Variants in TTC28 observed in about 807,000 individuals in gnomAD.
The protein encoded by TTC28 is tetratricopeptide repeat domain 28, also known as tetratricopeptide repeat protein 28.
Under a neutral mutation model 198.0 loss-of-function variants are expected in TTC28, and 61 were observed. That is an observed-to-expected ratio of 0.31 (90% CI 0.25 to 0.38). The LOEUF (loss-of-function observed/expected upper bound fraction) is 0.38. Ranked by LOEUF, TTC28 falls within the 10% of genes least tolerant of loss-of-function variation. The pLI, the probability that TTC28 is intolerant of heterozygous loss-of-function variation, is 1.00. For synonymous variants in TTC28, 1,171 were observed against 1,297.8 expected (o/e 0.90, Z 2.10); for missense variants, 2,678 against 3,164.0 (o/e 0.85, Z 3.69).
rs1016018335 is a variant in TTC28, at chr22:28,387,670, C to T, written c.382-81027G>A. On this transcript the variant is annotated intron_variant, in intron 2 of 22. Transcript: ENST00000397906. ...TTGAGAAGTGTCTGTTCATGTCCTT[C>T]GCCCACTTTTTGATGGGGTTGTTTG... 8.1e-4 allele frequency among the ~76,000 whole-genome samples: 123 copies of T among 152,258 alleles called. 2 individuals are homozygous for T. The highest frequency in any genetic ancestry group is 1.3e-3 in the African/African-American group (52 of 41,538).
rs71316831 is a variant in TTC28, at chr22:28,124,168, T to TTTGTTGTTG, written c.1442-15774_1442-15766dup. On this transcript the variant is annotated intron_variant, in intron 6 of 22. Coordinates refer to ENST00000397906, the MANE Select transcript of TTC28 (RefSeq NM_001145418.2). The stretch of plus-strand genomic sequence containing the variant: ...TGTAGCAATTTTTCACTTATCTCTC[T>TTTGTTGTTG]TTGTTGTTGTTGTTGTTGTTGTTGT... Among the ~76,000 whole-genome samples the TTTGTTGTTG allele has an allele frequency of 8.9e-3, 1,323 of 148,190 alleles. 18 individuals are homozygous for TTTGTTGTTG. The highest frequency in any genetic ancestry group is 0.029 in the African/African-American group (1,161 of 39,994).
chr22:28,353,178 A>G (rs570644054), intron 2 of TTC28, among the ~76,000 whole-genome samples: 5 of 152,206 alleles, frequency 3.3e-5, no homozygotes, highest in African/African-American at 7.2e-5. Context: ...GCATCAAACA[A>G]GAGTTCCAGA....
intron 16 of TTC28, 59 bp from the exon 17 acceptor site, chr22:27,996,318 C>A: frequency 6.5e-7 from 1 of 1,528,496 alleles, no homozygotes; most frequent in Non-Finnish European, 8.8e-7. Context: ...AGCCCCACCC[C>A]GGCTTCCAGG....
chr22:28,359,668 G>A (rs1396555023), intron 2 of TTC28, among the ~76,000 whole-genome samples: 1 of 152,096 alleles, frequency 6.6e-6, no homozygotes, highest in Non-Finnish European at 1.5e-5. Context: ...CTGATTCATG[G>A]TAAGTCCAAG....
chr22:28,417,167 T>C (rs1228467766), intron 2 of TTC28, among the ~76,000 whole-genome samples: 1 of 151,864 alleles, frequency 6.6e-6, no homozygotes, highest in Non-Finnish European at 1.5e-5. Flanking sequence ...GGTGGGAGGA[T>C]GGCTTGAGCC....
intron 2 of TTC28, among the ~76,000 whole-genome samples, chr22:28,521,865 A>T (rs2048915694): frequency 6.6e-6 from 1 of 152,116 alleles, no homozygotes; most frequent in Non-Finnish European, 1.5e-5. Context: ...GGAATTCAGA[A>T]CCCATTAGGG....
chr22:28,211,281 A>T (rs913498334), intron 5 of TTC28, among the ~76,000 whole-genome samples: 8 of 152,176 alleles, frequency 5.3e-5, no homozygotes, highest in African/African-American at 1.9e-4. Flanking sequence ...CACACATAAC[A>T]ATATTAACCT....
At chr22:28,097,498 C>T (rs1246878058) in intron 10 of TTC28, among the ~76,000 whole-genome samples, 4 of 152,248 alleles carry the variant, frequency 2.6e-5, no homozygotes, top group Admixed American at 2.0e-4. Context: ...ATCTTTTAAT[C>T]GAATTTTGAA....
chr22:28,169,370 A>T (rs1922400218), intron 5 of TTC28, among the ~76,000 whole-genome samples: 1 of 152,212 alleles, frequency 6.6e-6, no homozygotes, highest in Non-Finnish European at 1.5e-5. Flanking sequence ...AGACACATGC[A>T]CACATGTTTA....
At position 27,983,017 on chromosome 22, in the gene TTC28, G is replaced by A; in HGVS notation, c.6650C>T (p.Pro2217Leu). ...RASETSAFSR[P>L]VLSHQKSQPS... ...CTGACTCTTCTGATGGGAGAGAACA[G>A]GCCTGCTGAACGCACTGGTTTCTGA... Residue 2217 changes from proline (P) to leucine (L), a missense_variant, in exon 23 of 23, where the codon CCT becomes CTT. Around this residue, in one of 8 missense-constraint regions of TTC28, gnomAD observed 622 missense variants for 656.0 expected, o/e 0.95. Coordinates refer to ENST00000397906, the MANE Select transcript of TTC28 (RefSeq NM_001145418.2). 1.3e-6 allele frequency: 2 copies of A among 1,551,710 alleles called. No homozygotes were observed. The highest frequency in any genetic ancestry group is 1.4e-5 in the African/African-American group (1 of 73,178).
At chr22:28,198,957 C>T (rs1201707669) in intron 5 of TTC28, among the ~76,000 whole-genome samples, 1 of 151,804 alleles carries the variant, frequency 6.6e-6, no homozygotes, top group African/African-American at 2.4e-5. Flanking sequence ...CTCATGACTC[C>T]AGAAAAAAAG....
intron 6 of TTC28, among the ~76,000 whole-genome samples, chr22:28,121,289 G>C (rs1487882829): frequency 6.6e-6 from 1 of 152,138 alleles, no homozygotes; most frequent in Non-Finnish European, 1.5e-5. Flanking sequence ...ACATTTGTTG[G>C]TTCACAGTGA....
At chr22:28,111,431 T>G (rs1942478796) in intron 6 of TTC28, among the ~76,000 whole-genome samples, 1 of 152,216 alleles carries the variant, frequency 6.6e-6, no homozygotes, top group South Asian at 2.1e-4. Context: ...CAGAAACGTT[T>G]CAGTTCTAAA....
chr22:28,354,035 G>T (rs1055286430), intron 2 of TTC28, among the ~76,000 whole-genome samples: 6 of 152,142 alleles, frequency 3.9e-5, no homozygotes, highest in Admixed American at 3.3e-4. Flanking sequence ...GGGGGAAAAG[G>T]TGCTGGTGAG....
At chr22:28,023,396 CCATT>C (rs1440540329) in intron 13 of TTC28, among the ~76,000 whole-genome samples, 10 of 152,226 alleles carry the variant, frequency 6.6e-5, no homozygotes, top group Non-Finnish European at 1.5e-4. Flanking sequence ...CCTGCTGACC[CCATT>C]CAGAGATCAG....
chr22:28,417,586 G>C (rs1449491045), intron 2 of TTC28, among the ~76,000 whole-genome samples: 1 of 152,136 alleles, frequency 6.6e-6, no homozygotes. Context: ...AATTTACAAG[G>C]TTTAGATTTT....
At chr22:28,019,084 G>A (rs1938493206) in intron 13 of TTC28, among the ~76,000 whole-genome samples, 1 of 152,178 alleles carries the variant, frequency 6.6e-6, no homozygotes, top group South Asian at 2.1e-4. Flanking sequence ...AAAGCAGTCA[G>A]CTCCTTAGCC....
intron 1 of TTC28, among the ~76,000 whole-genome samples, chr22:28,648,273 C>A (rs1000568981): frequency 6.9e-6 from 1 of 145,810 alleles, no homozygotes; most frequent in African/African-American, 2.5e-5. Context: ...CAGGGAAATG[C>A]ACATTAAAAC....
At chr22:28,639,446 T>C (rs1055408690) in intron 1 of TTC28, among the ~76,000 whole-genome samples, 1 of 152,202 alleles carries the variant, frequency 6.6e-6, no homozygotes, top group African/African-American at 2.4e-5. Context: ...GCCATATGGA[T>C]GAGCAAAGGC....
Sources: gnomAD v4.1 joint callset for allele counts (sites outside exome capture counted in the v4.1 genomes callset) on GRCh38, gnomAD v4.1.1 for gene constraint, gnomAD v4.1.1 regional missense constraint, MANE v1.5 for transcripts, NCBI Gene and HGNC (gene_info 2026-07-23, HGNC 2026-07-21) for gene names.